Variants in GRXCR2 observed in about 807,000 individuals in gnomAD.
GRXCR2 encodes the protein glutaredoxin domain-containing cysteine-rich protein 2.
In GRXCR2, 23 loss-of-function variants were observed where a neutral mutation model predicts 24.8. That is an observed-to-expected ratio of 0.93 (90% CI 0.67 to 1.32). GRXCR2 has a LOEUF of 1.32. GRXCR2 is among the 40% of genes most tolerant of loss of function. The pLI, the probability that GRXCR2 is intolerant of heterozygous loss-of-function variation, is 0.00. For synonymous variants in GRXCR2, 130 were observed against 116.1 expected, an observed-to-expected ratio of 1.12 and a Z score of -0.77; for missense variants, 315 against 303.4, an observed-to-expected ratio of 1.04 and a Z score of -0.28.
rs1169031022 is a variant in GRXCR2 at position 145,872,636 on chromosome 5, A to G, written c.333T>C (p.His111=). 2 of 1,595,714 alleles carry G rather than the reference A, an allele frequency of 1.3e-6. No individual in the cohort carries two copies. The highest frequency in any genetic ancestry group is 4.5e-5 in the East Asian group (2 of 44,594). The part of the protein sequence containing the change: ...PRFNDYKAND[H]KPLPIIDFGK... Reference sequence around the variant, plus strand: ...ATATGCCATGCACAATACCAACCTTATGGTCATTCGCCTTGTAATCGTTGA... The same window carrying G: ...ATATGCCATGCACAATACCAACCTTGTGGTCATTCGCCTTGTAATCGTTGA... The change falls in exon 1 of 3, where the codon CAT becomes CAC. Residue 111 remains histidine, a synonymous_variant. Coordinates refer to ENST00000377976, the MANE Select transcript of GRXCR2 (RefSeq NM_001080516.2).
chr5:145,898,480 C>A (rs1414954034), intron 2 of GRXCR2, among the ~76,000 whole-genome samples: 2 of 151,396 alleles, frequency 1.3e-5, no homozygotes, highest in East Asian at 1.9e-4. Context: ...ACCTGACAGA[C>A]AAAATAAAAC....
chr5:145,878,106 G>T (rs186046696), intron 2 of GRXCR2, among the ~76,000 whole-genome samples: 1 of 152,170 alleles, frequency 6.6e-6, no homozygotes, highest in African/African-American at 2.4e-5. Context: ...GAGCAGAAAA[G>T]CTGAAAATTC....
chr5:145,917,766 A>G (rs570700962), intron 2 of GRXCR2, among the ~76,000 whole-genome samples: 11 of 152,248 alleles, frequency 7.2e-5, no homozygotes, highest in Non-Finnish European at 1.2e-4. Context: ...ACCTGTCTCC[A>G]TGGCTGAACT....
At chr5:145,915,506 C>T (rs1054219557) in intron 2 of GRXCR2, among the ~76,000 whole-genome samples, 4 of 152,088 alleles carry the variant, frequency 2.6e-5, no homozygotes, top group Non-Finnish European at 4.4e-5. Context: ...AGGCTCAGGC[C>T]GGGCACAGTG....
intron 2 of GRXCR2, among the ~76,000 whole-genome samples, chr5:145,925,269 A>G (rs1757374630): frequency 6.6e-6 from 1 of 152,246 alleles, no homozygotes; most frequent in Admixed American, 6.5e-5. Flanking sequence ...AAATGATGCC[A>G]GAAAAAGATA....
intron 2 of GRXCR2, among the ~76,000 whole-genome samples, chr5:145,902,719 G>A (rs1027051327): frequency 3.3e-5 from 5 of 152,192 alleles, no homozygotes; most frequent in African/African-American, 1.2e-4. Flanking sequence ...ATTACACTGT[G>A]CATTACAAAA....
intron 2 of GRXCR2, among the ~76,000 whole-genome samples, chr5:145,909,312 G>A (rs1170399961): frequency 6.7e-6 from 1 of 149,514 alleles, no homozygotes; most frequent in African/African-American, 2.5e-5. Flanking sequence ...AACATCACTA[G>A]TAAATAGTAA....
At chr5:145,869,161 A>G (rs1444984237) in intron 1 of GRXCR2, among the ~76,000 whole-genome samples, 1 of 152,258 alleles carries the variant, frequency 6.6e-6, no homozygotes, top group Non-Finnish European at 1.5e-5. Context: ...CTTTGGAGAT[A>G]GACAGACCTG....
intron 2 of GRXCR2, among the ~76,000 whole-genome samples, chr5:145,926,771 A>G (rs1757403406): frequency 6.6e-6 from 1 of 152,204 alleles, no homozygotes; most frequent in Non-Finnish European, 1.5e-5. Context: ...GAAGAAAGTC[A>G]TTGGTAGCTT....
At chr5:145,909,140 A>G (rs998111911) in intron 2 of GRXCR2, among the ~76,000 whole-genome samples, 5 of 152,242 alleles carry the variant, frequency 3.3e-5, no homozygotes, top group African/African-American at 9.6e-5. Context: ...AGCACTTAAC[A>G]TAGTACACAG....
At chr5:145,928,768 G>T (rs965234369) in intron 2 of GRXCR2, among the ~76,000 whole-genome samples, 2 of 84,496 alleles carry the variant, frequency 2.4e-5, no homozygotes, top group African/African-American at 7.7e-5. Context: ...GGGGGGAGGG[G>T]GGAAGGATAG....
chr5:145,903,197 T>C (rs73792719), intron 2 of GRXCR2, among the ~76,000 whole-genome samples: 4,274 of 152,228 alleles, frequency 0.028, 229 homozygotes, highest in African/African-American at 0.097. Flanking sequence ...TTAACCTCTC[T>C]GAATCTCAGA....
At chr5:145,893,952 T>C (rs936044626) in intron 2 of GRXCR2, among the ~76,000 whole-genome samples, 10 of 152,188 alleles carry the variant, frequency 6.6e-5, no homozygotes, top group African/African-American at 2.4e-4. Context: ...CACAGTGCAA[T>C]CAAACTAGAA....
chr5:145,907,390 A>G (rs905819548), intron 2 of GRXCR2, among the ~76,000 whole-genome samples: 3 of 152,038 alleles, frequency 2.0e-5, no homozygotes, highest in Non-Finnish European at 4.4e-5. Context: ...TTAGCCAGGC[A>G]TGGTGGCGGG....
Position 145,889,717 on chromosome 5 carries a change from C to T in GRXCR2, c.-69-22989G>A, listed in dbSNP as rs535538763. Among the ~76,000 whole-genome samples the T allele has an allele frequency of 2.0e-5, 3 of 152,182 alleles. No individual in the cohort carries two copies. The South Asian group carries it at 6.2e-4, about 32-fold the overall frequency. On this transcript the variant is annotated intron_variant, in intron 2 of 3. Coordinates refer to the GRXCR2 transcript ENST00000639411. ...TTGCATTAGCTTTCTAGCAATGGTC[C>T]CTACACAAAATGGAAACTCGGAAAT...
chr5:145,885,974 T>A (rs1756774414), intron 2 of GRXCR2, among the ~76,000 whole-genome samples: 2 of 152,204 alleles, frequency 1.3e-5, no homozygotes, highest in Non-Finnish European at 2.9e-5. Flanking sequence ...CCCACAGTCA[T>A]GAAATGTCAG....
At chr5:145,920,462 T>C (rs560937438) in intron 2 of GRXCR2, among the ~76,000 whole-genome samples, 8 of 152,326 alleles carry the variant, frequency 5.3e-5, no homozygotes, top group Admixed American at 1.3e-4. Flanking sequence ...GTATGGAAAT[T>C]ATTGGGCATT....
chr5:145,889,180 G>GAAAGAAAGA (rs1756823027), intron 2 of GRXCR2, among the ~76,000 whole-genome samples: 1 of 95,740 alleles, frequency 1.0e-5, no homozygotes, highest in African/African-American at 4.5e-5. Context: ...AAAAAAGAAA[G>GAAAGAAAGA]AAAGAAAGAA....
chr5:145,894,757 G>C (rs533867939), intron 2 of GRXCR2, among the ~76,000 whole-genome samples: 1 of 152,252 alleles, frequency 6.6e-6, no homozygotes, highest in Non-Finnish European at 1.5e-5. Context: ...AATAGAAAAA[G>C]AGGGAATCCT....
Sources: gnomAD v4.1 joint callset for allele counts (sites outside exome capture counted in the v4.1 genomes callset) on GRCh38, gnomAD v4.1.1 for gene constraint, MANE v1.5 for transcripts, NCBI Gene and HGNC (gene_info 2026-07-23, HGNC 2026-07-21) for gene names.